Variants in DNAI4 observed in about 807,000 individuals in gnomAD.
DNAI4 encodes the protein dynein axonemal intermediate chain 4.
A neutral mutation model predicts 105.8 loss-of-function variants in DNAI4; 85 were observed. That is an observed-to-expected ratio of 0.80 (90% CI 0.67 to 0.96). The LOEUF is 0.96. DNAI4 is among the 40% of genes least tolerant of loss of function. DNAI4 has a pLI of 0.00. For missense variants in DNAI4, 1,014 were observed against 1,005.6 expected, an observed-to-expected ratio of 1.01 and a Z score of -0.11; for synonymous variants, 352 against 331.5, an observed-to-expected ratio of 1.06 and a Z score of -0.67.
chr1:66,822,233 C>T (rs1040761769), intron 16 of DNAI4, 128 bp downstream of exon 16: 2 of 875,964 alleles, frequency 2.3e-6, no homozygotes, highest in African/African-American at 3.5e-5. Flanking sequence ...GTTAGCAACT[C>T]CTGGAATTTA....
At chr1:66,841,334 G>C (rs1235108536) in intron 8 of DNAI4, among the ~76,000 whole-genome samples, 1 of 152,128 alleles carries the variant, frequency 6.6e-6, no homozygotes, top group African/African-American at 2.4e-5. Context: ...ATGGCTTCTG[G>C]TTGTTTTTTA....
At chr1:66,836,254 G>GAGAAAGAA (rs68091805) in intron 10 of DNAI4, among the ~76,000 whole-genome samples, 38 of 99,056 alleles carry the variant, frequency 3.8e-4, no homozygotes, top group Admixed American at 5.4e-4. Flanking sequence ...AAGAGAGAGA[G>GAGAAAGAA]AGAAAGAAAG....
intron 5 of DNAI4, among the ~76,000 whole-genome samples, chr1:66,873,544 T>C (rs924726813): frequency 1.3e-5 from 2 of 152,164 alleles, no homozygotes; most frequent in African/African-American, 4.8e-5. Context: ...AGCCACCACA[T>C]CCAGGTGATC....
chr1:66,821,466 C>G lies in DNAI4; in HGVS notation c.2496+895G>C, dbSNP rs149386545. 1.1e-4 allele frequency among the ~76,000 whole-genome samples: 17 copies of G among 152,278 alleles called. No individual in the cohort carries two copies. The East Asian group carries it at 3.1e-3, about 28-fold the overall frequency. On this transcript the variant is annotated intron_variant, in intron 16 of 16. Transcript: ENST00000371026. The stretch of plus-strand genomic sequence containing the variant: ...TGCTTCCAAAAAGTTATACCGATTT[C>G]TATTCCAACCACCAGTATGAGAGGA...
chr1:66,826,994 C>G lies in DNAI4; in HGVS notation c.2165G>C (p.Ser722Thr). The G allele has an allele frequency of 6.2e-7, 1 of 1,613,960 alleles. No homozygotes were observed. The part of the protein sequence containing the change: ...WNPFCHDVFL[S>T]CSADWGVIIW... ...AATAACACCCCAATCTGCAGAACAG[C>G]TTAAAAATACATCATGACAAAATGG... The change falls in exon 15 of 17, where the codon AGC becomes ACC. Residue 722 changes from serine (S) to threonine (T), a missense_variant. Ser to Thr is a moderately conservative substitution (Grantham distance 58, BLOSUM62 1). Transcript: ENST00000371026.
At chr1:66,895,408 T>C (rs535887752) in intron 2 of DNAI4, among the ~76,000 whole-genome samples, 16 of 152,326 alleles carry the variant, frequency 1.1e-4, no homozygotes, top group African/African-American at 3.6e-4. Flanking sequence ...TTTGAGGATA[T>C]AGTGAGCTAT....
chr1:66,899,940 C>T (rs529044677), intron 2 of DNAI4, among the ~76,000 whole-genome samples: 1 of 150,598 alleles, frequency 6.6e-6, no homozygotes, highest in Admixed American at 6.6e-5. Context: ...GTGCCAATAA[C>T]ACATGATTTT....
intron 12 of DNAI4, 102 bp from the exon 13 acceptor site, chr1:66,833,808 C>A: frequency 6.9e-7 from 1 of 1,455,210 alleles, no homozygotes; most frequent in Non-Finnish European, 9.2e-7. Context: ...TTAGTTCTGC[C>A]AACTTTTGCA....
At position 66,835,123 on chromosome 1, in the gene DNAI4, T is replaced by C. The variant is rs527383062; in HGVS notation, c.1733+503A>G. Reference sequence around the variant, plus strand: ...CTCCTGTTACATGTCCCATGTTATATGACATGCTGATGACAGAAAGGTATG... The same window carrying C: ...CTCCTGTTACATGTCCCATGTTATACGACATGCTGATGACAGAAAGGTATG... On this transcript the variant is annotated intron_variant, in intron 11 of 16. Transcript: ENST00000371026. 5.9e-5 allele frequency among the ~76,000 whole-genome samples: 9 copies of C among 152,226 alleles called. No individual in the cohort carries two copies. In the South Asian group the frequency reaches 1.9e-3, roughly 32 times the overall value.
At chr1:66,866,766 A>G (rs1406128304) in intron 6 of DNAI4, among the ~76,000 whole-genome samples, 1 of 152,178 alleles carries the variant, frequency 6.6e-6, no homozygotes, top group Non-Finnish European at 1.5e-5. Flanking sequence ...GAAATTATTT[A>G]CCTTCTAAAT....
At chr1:66,850,188 A>C (rs918417761) in intron 7 of DNAI4, among the ~76,000 whole-genome samples, 3 of 150,982 alleles carry the variant, frequency 2.0e-5, no homozygotes, top group Non-Finnish European at 4.4e-5. Context: ...GAGAAATGAC[A>C]CCTTATCTTT....
intron 8 of DNAI4, among the ~76,000 whole-genome samples, chr1:66,846,398 A>G (rs1223973039): frequency 6.6e-6 from 1 of 152,208 alleles, no homozygotes; most frequent in African/African-American, 2.4e-5. Flanking sequence ...GATAAATTTC[A>G]TAAAGGAAGT....
intron 16 of DNAI4, among the ~76,000 whole-genome samples, chr1:66,816,028 C>A (rs1645507917): frequency 6.6e-6 from 1 of 152,076 alleles, no homozygotes; most frequent in Admixed American, 6.6e-5. Context: ...CTCCAGAGGG[C>A]CAGGCATGGT....
At chr1:66,837,384 A>G (rs1397130683) in intron 10 of DNAI4, among the ~76,000 whole-genome samples, 2 of 151,264 alleles carry the variant, frequency 1.3e-5, no homozygotes, top group Non-Finnish European at 3.0e-5. Flanking sequence ...AAAAAAAAAA[A>G]CATAATTTTC....
rs779882505 is a variant in DNAI4 at position 66,910,584 on chromosome 1, C to CA, written c.171-5210dup. On this transcript the variant is annotated intron_variant, in intron 1 of 16. Coordinates refer to ENST00000371026, the MANE Select transcript of DNAI4 (RefSeq NM_024763.5). Reference sequence around the variant, plus strand: ...CCACCTGCCCTAATCACTCCATGGCCAAATGCCAGAACAACAGGCGCAGCC... The same window carrying CA: ...CCACCTGCCCTAATCACTCCATGGCCAAAATGCCAGAACAACAGGCGCAGCC... Among the ~76,000 whole-genome samples, 32 of 152,360 alleles carry CA rather than the reference C, an allele frequency of 2.1e-4. 2 individuals carry two copies. The East Asian group carries it at 2.1e-3, about 10-fold the overall frequency.
At chr1:66,828,872 A>G (rs930554466) in intron 13 of DNAI4, among the ~76,000 whole-genome samples, 5 of 152,152 alleles carry the variant, frequency 3.3e-5, no homozygotes, top group African/African-American at 1.2e-4. Flanking sequence ...ATAGAAATCG[A>G]ATTCCTTTTT....
At chr1:66,876,446 A>G (rs943184404) in intron 4 of DNAI4, among the ~76,000 whole-genome samples, 2 of 152,166 alleles carry the variant, frequency 1.3e-5, no homozygotes, top group Admixed American at 1.3e-4. Flanking sequence ...TATTAGATAA[A>G]TTACATATAT....
chr1:66,836,200 G>GAA (rs1491284348), intron 10 of DNAI4, among the ~76,000 whole-genome samples: 1 of 52,186 alleles, frequency 1.9e-5, no homozygotes, highest in Non-Finnish European at 4.3e-5. Context: ...AAGAAAGAAA[G>GAA]AAAGAAAGAG....
chr1:66,867,273 T>C (rs761579247), intron 6 of DNAI4, among the ~76,000 whole-genome samples: 14 of 152,232 alleles, frequency 9.2e-5, no homozygotes, highest in Non-Finnish European at 1.5e-5. Context: ...CCCCACATTT[T>C]AAAATTTCAT....
Sources: allele counts gnomAD v4.1 joint callset (sites outside exome capture counted in the v4.1 genomes callset), GRCh38; gene constraint gnomAD v4.1.1; transcripts MANE v1.5; gene names NCBI Gene and HGNC (gene_info 2026-07-23, HGNC 2026-07-21).